PCDHGA8: variants seen among roughly 807,000 people sequenced by gnomAD.
PCDHGA8 encodes protocadherin gamma-A8.
Under a neutral mutation model 59.2 loss-of-function variants are expected in PCDHGA8, and 45 were observed. The observed-to-expected ratio is 0.76, with a 90% CI of 0.60 to 0.98. The LOEUF (loss-of-function observed/expected upper bound fraction) is 0.98, where lower values mean the gene tolerates loss of function less well. Ranked by LOEUF, PCDHGA8 falls within the 50% of genes least tolerant of loss-of-function variation. The pLI, the probability that PCDHGA8 is intolerant of heterozygous loss-of-function variation, is 0.00. For missense variants in PCDHGA8, 1,257 were observed against 1,196.2 expected, an observed-to-expected ratio of 1.05 and a Z score of -0.75; for synonymous variants, 531 against 519.0, an observed-to-expected ratio of 1.02 and a Z score of -0.32.
At chr5:141,441,744 G>A (rs913393900) in intron 1 of PCDHGA8, 7 of 366,408 alleles carry the variant, frequency 1.9e-5, no homozygotes, top group African/African-American at 1.1e-4. Context: ...GCTCGCGCTC[G>A]GCGTCAACGT....
At chr5:141,510,272 T>TAAAA (rs546154379) in intron 3 of PCDHGA8, among the ~76,000 whole-genome samples, 4 of 130,388 alleles carry the variant, frequency 3.1e-5, no homozygotes, top group Non-Finnish European at 4.9e-5. Context: ...GACTCCATCT[T>TAAAA]AAAAAAAAAA....
At chr5:141,505,341 A>G in intron 2 of PCDHGA8, 52 bp from the exon 3 acceptor site, 3 of 1,612,728 alleles carry the variant, frequency 1.9e-6, no homozygotes, top group Non-Finnish European at 2.5e-6. Context: ...CAGGAGGGGC[A>G]TGAGCTGTGC....
In PCDHGA8 at chr5:141,432,512, G is replaced by A. The variant is rs751785850; in HGVS notation, c.2424+37275G>A. ...GCTGGCTCCCCGCTCCGCAGAGCCC[G>A]GCTACCTGGTGACCAAGGTGGTGGC... On this transcript the variant is annotated intron_variant, in intron 1 of 3. Transcript: ENST00000398604. The surrounding 1 kb of genome is among the most constrained non-coding windows in gnomAD (Gnocchi z 6.0). 3 of 1,614,108 alleles carry A rather than the reference G, an allele frequency of 1.9e-6. No homozygotes were observed. Among genetic ancestry groups the A allele is most frequent in the Non-Finnish European group, 2.5e-6 (3 of 1,180,030 alleles).
intron 3 of PCDHGA8, among the ~76,000 whole-genome samples, chr5:141,506,011 C>T (rs1209221520): frequency 6.6e-6 from 1 of 152,204 alleles, no homozygotes; most frequent in Non-Finnish European, 1.5e-5. Flanking sequence ...TCCTCTTTTG[C>T]TGCCCCTAAC....
chr5:141,398,578 A>C (rs370163028), intron 1 of PCDHGA8: 29 of 1,613,942 alleles, frequency 1.8e-5, no homozygotes, highest in Admixed American at 3.3e-5. Context: ...GCCTGGCACA[A>C]GATTTATACT....
intron 2 of PCDHGA8, among the ~76,000 whole-genome samples, chr5:141,495,601 G>C (rs1315613802): frequency 6.6e-6 from 1 of 152,004 alleles, no homozygotes; most frequent in Non-Finnish European, 1.5e-5. Context: ...CTTAGCTTCC[G>C]TCTTGATTGC....
Position 141,485,495 on chromosome 5 carries a change from T to C in PCDHGA8, c.2425-9312T>C. 1 of 1,613,494 alleles carries C rather than the reference T, an allele frequency of 6.2e-7. No homozygotes were observed. Among genetic ancestry groups the C allele is most frequent in the African/African-American group, 1.3e-5 (1 of 74,780 alleles). On this transcript the variant is annotated intron_variant, in intron 1 of 3. Coordinates refer to ENST00000398604, the MANE Select transcript of PCDHGA8 (RefSeq NM_032088.2). This position sits in a 1 kb window ranked among gnomAD's most constrained non-coding sequence, Gnocchi z 5.7. ...TGCCAGCTGCATCGTGCCCCTGGAG[T>C]TTGTCACCGAAGGTCCTTTGGAAAT...
chr5:141,458,553 T>G (rs987591790), intron 1 of PCDHGA8, among the ~76,000 whole-genome samples: 24 of 146,852 alleles, frequency 1.6e-4, no homozygotes, highest in Non-Finnish European at 2.5e-4. Flanking sequence ...TGTTTGTTTG[T>G]TTTGGTTTTG....
In PCDHGA8 at chr5:141,392,777, A is replaced by G. The variant is rs1226924811; in HGVS notation, c.-37A>G. ...AACTAAATAAGACCCATTTATGCAC[A>G]GTGAAGATTCTGAGAGGATTCTGCA... On this transcript the variant is annotated 5_prime_UTR_variant, in exon 1 of 4. Transcript: ENST00000398604. 2 of 1,529,440 alleles carry G rather than the reference A, an allele frequency of 1.3e-6. No homozygotes were observed. Among genetic ancestry groups the G allele is most frequent in the Non-Finnish European group, 1.8e-6 (2 of 1,140,492 alleles). The allele number at this position is 1,529,440 out of a possible 1,614,324, so 94.7% of individuals were successfully genotyped here. A position where few individuals can be genotyped will look rare whatever the true frequency, so the allele number is the denominator to read the frequency against.
chr5:141,486,278 G>A lies in PCDHGA8; in HGVS notation c.2425-8529G>A. The A allele has an allele frequency of 1.2e-6, 2 of 1,614,088 alleles. No individual in the cohort carries two copies. Among genetic ancestry groups the A allele is most frequent in the South Asian group, 2.2e-5 (2 of 91,068 alleles). On this transcript the variant is annotated intron_variant, in intron 1 of 3. Transcript: ENST00000398604. This position sits in a 1 kb window ranked among gnomAD's most constrained non-coding sequence, Gnocchi z 5.0. The stretch of plus-strand genomic sequence containing the variant: ...CGAGAGTGCAGAACCTGGCACTGTG[G>A]TGGCACTTATCAGTGTGCAGGATCC...
intron 1 of PCDHGA8, chr5:141,408,651 C>T (rs373860648): frequency 6.2e-7 from 1 of 1,614,012 alleles, no homozygotes; most frequent in Non-Finnish European, 8.5e-7. Flanking sequence ...TCCGCTGGTA[C>T]ACGACTATCG....
intron 1 of PCDHGA8, among the ~76,000 whole-genome samples, chr5:141,459,348 C>G (rs1015330513): frequency 2.6e-5 from 4 of 152,194 alleles, no homozygotes; most frequent in Admixed American, 2.0e-4. Context: ...TCTTGAAATT[C>G]ATTCATGTTC....
chr5:141,444,470 C>T (rs1275997551), intron 1 of PCDHGA8, among the ~76,000 whole-genome samples: 2 of 152,058 alleles, frequency 1.3e-5, no homozygotes, highest in African/African-American at 2.4e-5. Flanking sequence ...TGCGCCCGGT[C>T]GCGTACTGGA....
At chr5:141,427,187 C>T (rs1318380362) in intron 1 of PCDHGA8, 1 of 456,574 alleles carries the variant, frequency 2.2e-6, no homozygotes, top group Middle Eastern at 3.3e-4. Flanking sequence ...AAATTAAATC[C>T]AAAGACTTAA....
intron 1 of PCDHGA8, chr5:141,478,142 G>A: frequency 3.7e-6 from 6 of 1,613,988 alleles, no homozygotes; most frequent in Non-Finnish European, 4.2e-6. Flanking sequence ...AGCCCGAGCC[G>A]AGTTCCCCTC....
At chr5:141,433,926 A>T (rs2154556019) in intron 1 of PCDHGA8, among the ~76,000 whole-genome samples, 1 of 151,830 alleles carries the variant, frequency 6.6e-6, no homozygotes, top group African/African-American at 2.4e-5. Context: ...CCAAATGAAG[A>T]TTTTATAATT....
At chr5:141,418,489 G>C (rs774653264) in intron 1 of PCDHGA8, 26 of 1,613,874 alleles carry the variant, frequency 1.6e-5, no homozygotes, top group Admixed American at 1.5e-4. Context: ...CTCACCACTT[G>C]GTACTGACCG....
chr5:141,498,971 G>GGGAAGGAAGGAAGGAAGGAAGGAA (rs201769957), intron 2 of PCDHGA8, among the ~76,000 whole-genome samples: 2 of 110,972 alleles, frequency 1.8e-5, no homozygotes, highest in African/African-American at 3.6e-5. Context: ...GAGGGAGGGA[G>GGGAAGGAAGGAAGGAAGGAAGGAA]GGAAGGAAGG....
intron 1 of PCDHGA8, among the ~76,000 whole-genome samples, chr5:141,456,179 A>G (rs1161415053): frequency 6.6e-6 from 1 of 151,860 alleles, no homozygotes; most frequent in Non-Finnish European, 1.5e-5. Context: ...TTACAGAATA[A>G]TTTCTTAATA....
Sources: allele counts gnomAD v4.1 joint callset (sites outside exome capture counted in the v4.1 genomes callset), GRCh38; gene constraint gnomAD v4.1.1; non-coding constraint Gnocchi (gnomAD v3.1); transcripts MANE v1.5; gene names NCBI Gene and HGNC (gene_info 2026-07-23, HGNC 2026-07-21).